Variants in ARID4A observed in about 807,000 individuals in gnomAD.
ARID4A encodes the protein AT-rich interaction domain 4A.
ARID4A carries 39 observed loss-of-function variants against 148.6 expected under a neutral mutation model. The ratio of observed to expected loss-of-function variants is 0.26; its 90% CI spans 0.20 to 0.34. The LOEUF (loss-of-function observed/expected upper bound fraction) is 0.34, where lower values mean the gene tolerates loss of function less well. Among genes scored for constraint, ARID4A ranks in the 10% least tolerant of loss-of-function variants. The pLI, the probability that ARID4A is intolerant of heterozygous loss-of-function variation, is 1.00. For missense variants in ARID4A, 1,265 were observed against 1,449.1 expected, an observed-to-expected ratio of 0.87 and a Z score of 2.06; for synonymous variants, 475 against 481.2, an observed-to-expected ratio of 0.99 and a Z score of 0.17.
intron 11 of ARID4A, among the ~76,000 whole-genome samples, chr14:58,338,750 T>C (rs1376042147): frequency 6.6e-6 from 1 of 152,064 alleles, no homozygotes; most frequent in Non-Finnish European, 1.5e-5. Flanking sequence ...TTATAAATCA[T>C]TATGAATGAA....
chr14:58,352,013 G>A (rs2034662900), intron 16 of ARID4A, among the ~76,000 whole-genome samples: 1 of 152,228 alleles, frequency 6.6e-6, no homozygotes, highest in South Asian at 2.1e-4. Flanking sequence ...TGTAAGTGTT[G>A]TCAAATGGAT....
rs1389497484 is a variant in ARID4A at position 58,359,232 on chromosome 14, T to G, written c.1938+16T>G. On this transcript the variant is annotated intron_variant, in intron 18 of 23. Coordinates refer to ENST00000355431, the MANE Select transcript of ARID4A (RefSeq NM_002892.4). ...AAAAGCTAAAGTATGTTTGTAGATT[T>G]ATGTCCTTTATAATATGTATAGGAA... is the stretch of plus-strand genomic sequence containing the variant. 1 of 1,570,234 alleles carries G rather than the reference T, an allele frequency of 6.4e-7. No homozygotes were observed. Among genetic ancestry groups the G allele is most frequent in the South Asian group, 1.2e-5 (1 of 84,860 alleles).
intron 11 of ARID4A, among the ~76,000 whole-genome samples, chr14:58,340,955 A>G (rs186629190): frequency 7.9e-5 from 12 of 152,320 alleles, no homozygotes; most frequent in Admixed American, 1.3e-4. Flanking sequence ...GTAATGTCTA[A>G]ACTAAATGGC....
At chr14:58,317,264 GTTTC>G (rs1220957396) in intron 5 of ARID4A, among the ~76,000 whole-genome samples, 34 of 149,168 alleles carry the variant, frequency 2.3e-4, no homozygotes, top group African/African-American at 6.1e-4. Context: ...TTTTTTTAAA[GTTTC>G]TTTCTTTCTT....
At chr14:58,322,978 A>T (rs868512176) in intron 7 of ARID4A, among the ~76,000 whole-genome samples, 64 of 141,170 alleles carry the variant, frequency 4.5e-4, no homozygotes, top group Admixed American at 1.1e-3. Flanking sequence ...AAAAAAAAAA[A>T]AAATATATAT....
intron 14 of ARID4A, 38 bp from the exon 15 acceptor site, chr14:58,347,609 G>A (rs762470083): frequency 1.4e-6 from 2 of 1,434,000 alleles, no homozygotes; most frequent in East Asian, 2.3e-5. Context: ...TAGATGCAAA[G>A]ACTGTAAGAT....
chr14:58,364,553 C>T lies in ARID4A; in HGVS notation c.2464C>T (p.His822Tyr), dbSNP rs1187235757. The change falls in exon 20 of 24, where the codon CAT (histidine) becomes TAT (tyrosine). Residue 822 changes from histidine to tyrosine, a missense_variant. Physicochemically the swap from His to Tyr is moderately conservative, Grantham distance 83. Around this residue, in one of 9 missense-constraint regions of ARID4A, gnomAD observed 666 missense variants for 730.9 expected, o/e 0.91. Coordinates refer to ENST00000355431, the MANE Select transcript of ARID4A (RefSeq NM_002892.4). ...CCAGAATGAAGCAGGAAGTGAACCT[C>T]ATATAGAAGCTCATAGTCTTGAATT... ...FGQNEAGSEP[H>Y]IEAHSLELSS... The T allele has an allele frequency of 1.2e-6, 2 of 1,611,034 alleles. No individual in the cohort carries two copies. Among genetic ancestry groups the T allele is most frequent in the South Asian group, 1.1e-5 (1 of 90,068 alleles).
In ARID4A at chr14:58,365,957, G is replaced by T. The variant is rs1018138565; in HGVS notation, c.3317-67G>T. 39 of 1,270,452 alleles carry T rather than the reference G, an allele frequency of 3.1e-5. No individual in the cohort carries two copies. In the Middle Eastern group the frequency reaches 8.0e-4, roughly 26 times the overall value. 78.7% of individuals were successfully genotyped at this position (1,270,452 alleles called of 1,614,324 possible). On this transcript the variant is annotated intron_variant, in intron 21 of 23. Coordinates refer to ENST00000355431, the MANE Select transcript of ARID4A (RefSeq NM_002892.4). ...GGATACCAAGAAATGTAATTGTTAGGTCTGTTGCATTTTGATATTTAAGAA... is the reference window on the plus strand; with the variant it reads ...GGATACCAAGAAATGTAATTGTTAGTTCTGTTGCATTTTGATATTTAAGAA...
Position 58,332,706 on chromosome 14 carries a change from T to C in ARID4A, c.906+2537T>C, listed in dbSNP as rs369356805. Among the ~76,000 whole-genome samples, 110 of 152,306 alleles carry C rather than the reference T, an allele frequency of 7.2e-4. 1 individual carries two copies. Among genetic ancestry groups the C allele is most frequent in the African/African-American group, 2.5e-3 (105 of 41,590 alleles). Reference sequence around the variant, plus strand: ...CTGGCTTAGTCATTATGGGCCTTTATCACCATGTAGGTGAGGCTACGCTGT... The same window carrying C: ...CTGGCTTAGTCATTATGGGCCTTTACCACCATGTAGGTGAGGCTACGCTGT... On this transcript the variant is annotated intron_variant, in intron 11 of 23. Transcript: ENST00000355431.
chr14:58,336,409 G>A (rs971071597), intron 11 of ARID4A, among the ~76,000 whole-genome samples: 1 of 152,128 alleles, frequency 6.6e-6, no homozygotes, highest in African/African-American at 2.4e-5. Flanking sequence ...AACCTATGTA[G>A]TCATTTTGAC....
chr14:58,372,194 A>G lies in ARID4A; in HGVS notation c.*205A>G, dbSNP rs113001507. 923 of 462,698 alleles carry G rather than the reference A, an allele frequency of 2.0e-3. 10 individuals are homozygous for G. The highest frequency in any genetic ancestry group is 0.017 in the African/African-American group (851 of 50,624). 28.7% of individuals were successfully genotyped at this position (462,698 alleles called of 1,614,324 possible). ...GCTGATTAATAAGTGAAGGTTAAGC[A>G]GCCTGCCATATTTGTCATAATTTTT... On this transcript the variant is annotated 3_prime_UTR_variant, in exon 24 of 24. Coordinates refer to ENST00000355431, the MANE Select transcript of ARID4A (RefSeq NM_002892.4).
intron 7 of ARID4A, among the ~76,000 whole-genome samples, chr14:58,319,009 G>T (rs1386371735): frequency 6.6e-6 from 1 of 152,080 alleles, no homozygotes; most frequent in African/African-American, 2.4e-5. Flanking sequence ...ACTTCTAATA[G>T]ATTATTTTTG....
intron 5 of ARID4A, among the ~76,000 whole-genome samples, chr14:58,312,100 C>T (rs2140148264): frequency 6.6e-6 from 1 of 151,986 alleles, no homozygotes; most frequent in Non-Finnish European, 1.5e-5. Flanking sequence ...TCTCACCACA[C>T]ACAAAAAAAT....
In ARID4A at chr14:58,373,671, C is replaced by G. The variant is rs374261162; in HGVS notation, c.*1682C>G. ...TCTTTTCTTTGCAAAGCAGAAGTATCTCAATGTAAAATAAAAATGGAGCTC... is the reference window on the plus strand; with the variant it reads ...TCTTTTCTTTGCAAAGCAGAAGTATGTCAATGTAAAATAAAAATGGAGCTC... On this transcript the variant is annotated 3_prime_UTR_variant, in exon 24 of 24. Transcript: ENST00000355431. 1 of 174,776 alleles carries G rather than the reference C, an allele frequency of 5.7e-6. No individual in the cohort carries two copies. The highest frequency in any genetic ancestry group is 9.9e-5 in the East Asian group (1 of 10,118). 10.8% of individuals were successfully genotyped at this position (174,776 alleles called of 1,614,324 possible).
chr14:58,361,896 A>G (rs2035148631), intron 19 of ARID4A, among the ~76,000 whole-genome samples: 2 of 152,188 alleles, frequency 1.3e-5, no homozygotes, highest in Admixed American at 1.3e-4. Context: ...CAACCTGTAA[A>G]TCACCTAGGA....
chr14:58,332,196 C>CTGT (rs2033569106), intron 11 of ARID4A, among the ~76,000 whole-genome samples: 1 of 152,040 alleles, frequency 6.6e-6, no homozygotes, highest in Non-Finnish European at 1.5e-5. Flanking sequence ...AGGCAAAGCT[C>CTGT]TGTTACCTAT....
intron 2 of ARID4A, among the ~76,000 whole-genome samples, 187 bp downstream of exon 2, chr14:58,300,047 C>G (rs2031009909): frequency 2.0e-5 from 3 of 152,160 alleles, no homozygotes; most frequent in Admixed American, 2.0e-4. Flanking sequence ...AGTTTAGGCC[C>G]TCTCTGTAGC....
At chr14:58,327,078 C>T (rs1222320995) in intron 8 of ARID4A, among the ~76,000 whole-genome samples, 1 of 152,170 alleles carries the variant, frequency 6.6e-6, no homozygotes, top group African/African-American at 2.4e-5. Context: ...TGGATATACA[C>T]TATTCAGTAT....
In ARID4A at chr14:58,298,580, T is replaced by C. The variant is rs1025909697; in HGVS notation, c.-178T>C. Reference sequence around the variant, plus strand: ...GATTGTGGCAGTAAATCGGGGCGAGTGGGGAACCCGGCGCAGGAACTGCAG... The same window carrying C: ...GATTGTGGCAGTAAATCGGGGCGAGCGGGGAACCCGGCGCAGGAACTGCAG... On this transcript the variant is annotated 5_prime_UTR_variant, in exon 1 of 24. Coordinates refer to ENST00000355431, the MANE Select transcript of ARID4A (RefSeq NM_002892.4). The C allele has an allele frequency of 5.2e-5, 8 of 152,664 alleles. No homozygotes were observed. Among genetic ancestry groups the C allele is most frequent in the Non-Finnish European group, 1.2e-4 (8 of 68,322 alleles). The allele number at this position is 152,664 out of a possible 1,614,324, so 9.5% of individuals were successfully genotyped here. A position where few individuals can be genotyped will look rare whatever the true frequency, so the allele number is the denominator to read the frequency against.
Sources: allele counts gnomAD v4.1 joint callset (sites outside exome capture counted in the v4.1 genomes callset), GRCh38; gene constraint gnomAD v4.1.1; regional missense constraint gnomAD v4.1.1; transcripts MANE v1.5; gene names NCBI Gene and HGNC (gene_info 2026-07-23, HGNC 2026-07-21).